SIDT2: variants seen among roughly 807,000 people sequenced by gnomAD.
SIDT2 encodes SID1 transmembrane family member 2.
SIDT2 carries 68 observed loss-of-function variants against 114.4 expected under a neutral mutation model. The observed-to-expected ratio is 0.59, with a 90% CI of 0.49 to 0.73. SIDT2 has a LOEUF of 0.73. SIDT2 is among the 30% of genes least tolerant of loss of function. The pLI is 0.00. For synonymous variants in SIDT2, 470 were observed against 438.4 expected, an observed-to-expected ratio of 1.07 and a Z score of -0.90; for missense variants, 918 against 1,097.1, an observed-to-expected ratio of 0.84 and a Z score of 2.31.
At chr11:117,187,343 G>A (rs757891265) in intron 10 of SIDT2, 35 bp from the exon 11 acceptor site, 16 of 1,600,270 alleles carry the variant, frequency 1.0e-5, no homozygotes, top group Admixed American at 5.0e-5. Context: ...CTCTCTCTTC[G>A]TCCAGTGCTA....
intron 9 of SIDT2, 48 bp downstream of exon 9, chr11:117,186,271 G>GT (rs749066444): frequency 1.5e-5 from 23 of 1,541,120 alleles, no homozygotes; most frequent in Non-Finnish European, 2.0e-5. Flanking sequence ...GTTTGGGCAG[G>GT]TGTGTGGGGC....
intron 1 of SIDT2, among the ~76,000 whole-genome samples, chr11:117,181,021 G>A (rs2030263600): frequency 6.6e-6 from 1 of 152,176 alleles, no homozygotes; most frequent in South Asian, 2.1e-4. Flanking sequence ...GGAAGGTTGA[G>A]GAGCACTTCT....
chr11:117,183,376 C>T (rs929235766), intron 6 of SIDT2, among the ~76,000 whole-genome samples: 1 of 148,442 alleles, frequency 6.7e-6, no homozygotes, highest in African/African-American at 2.5e-5. Context: ...CAGTGGCTCA[C>T]GCCTGTAATC....
chr11:117,190,862 C>T lies in SIDT2; in HGVS notation c.1735+122C>T, dbSNP rs1040472735. 30 of 743,794 alleles carry T rather than the reference C, an allele frequency of 4.0e-5. No homozygotes were observed. The Admixed American group carries it at 5.0e-4, about 12-fold the overall frequency. The allele number at this position is 743,794 out of a possible 1,614,324, so 46.1% of individuals were successfully genotyped here. ...CCCCTGTAGGAAACTCCAAGGCTGG[C>T]GTGCCTGGGTGTGCACACATCCTAG... On this transcript the variant is annotated intron_variant, in intron 18 of 25. Transcript: ENST00000324225. The surrounding 1 kb of genome is among the most constrained non-coding windows in gnomAD (Gnocchi z 4.1).
intron 10 of SIDT2, chr11:117,186,883 G>T: frequency 7.5e-7 from 1 of 1,333,996 alleles, no homozygotes; most frequent in Non-Finnish European, 1.0e-6. Flanking sequence ...TGCCTGCCTT[G>T]GGCAGTGTGG....
intron 10 of SIDT2, chr11:117,187,041 G>A (rs1405751641): frequency 6.9e-6 from 10 of 1,455,402 alleles, no homozygotes; most frequent in Non-Finnish European, 9.1e-6. Context: ...CTGGAGTCCA[G>A]AGTAGGGGAG....
intron 11 of SIDT2, 35 bp from the exon 12 acceptor site, chr11:117,187,593 C>G (rs552545405): frequency 6.2e-7 from 1 of 1,612,948 alleles, no homozygotes; most frequent in Admixed American, 1.7e-5. Flanking sequence ...CCTGCGGCCT[C>G]TCCTTCCTGC....
chr11:117,186,234 A>G lies in SIDT2; in HGVS notation c.962+11A>G. ...CTGGGAGAACTGGAGGTAAAGTGGA[A>G]CTGCTGGGCCTCCCCTGGTCTGGGT... On this transcript the variant is annotated intron_variant, in intron 9 of 25. Coordinates refer to ENST00000324225, the MANE Select transcript of SIDT2 (RefSeq NM_001040455.2). The G allele has an allele frequency of 1.2e-6, 2 of 1,612,958 alleles. No individual in the cohort carries two copies. Among genetic ancestry groups the G allele is most frequent in the Non-Finnish European group, 1.7e-6 (2 of 1,179,050 alleles).
chr11:117,190,576 T>C lies in SIDT2; in HGVS notation c.1618-47T>C. 2 of 1,481,756 alleles carry C rather than the reference T, an allele frequency of 1.3e-6. No homozygotes were observed. The highest frequency in any genetic ancestry group is 1.8e-6 in the Non-Finnish European group (2 of 1,083,616). 91.8% of individuals were successfully genotyped at this position (1,481,756 alleles called of 1,614,324 possible). ...CCCTCTTTTGGGTCCCTTCTTCCCT[T>C]CCTGCCTCACTTCCTCCCTCCCTTC... On this transcript the variant is annotated intron_variant, in intron 17 of 25. Transcript: ENST00000324225. The surrounding 1 kb of genome is among the most constrained non-coding windows in gnomAD (Gnocchi z 4.1).
chr11:117,192,208 A>G lies in SIDT2; in HGVS notation c.1873-46A>G. On this transcript the variant is annotated intron_variant, in intron 19 of 25. Coordinates refer to ENST00000324225, the MANE Select transcript of SIDT2 (RefSeq NM_001040455.2). This position sits in a 1 kb window ranked among gnomAD's most constrained non-coding sequence, Gnocchi z 5.9. ...CCAGGAAGGGTGGGCCATCCGAGCC[A>G]CTTCCCTCTCCACCCTCACCGCTGC... 6.8e-7 allele frequency: 1 copy of G among 1,477,694 alleles called. No homozygotes were observed. The highest frequency in any genetic ancestry group is 1.7e-5 in the Admixed American group (1 of 59,790). 91.5% of individuals were successfully genotyped at this position (1,477,694 alleles called of 1,614,324 possible). A position where few individuals can be genotyped will look rare whatever the true frequency, so the allele number is the denominator to read the frequency against.
chr11:117,180,507 C>T (rs1458080129), intron 1 of SIDT2, among the ~76,000 whole-genome samples: 1 of 149,686 alleles, frequency 6.7e-6, no homozygotes, highest in African/African-American at 2.5e-5. Context: ...TCCTTCATAG[C>T]TCCAAGGGTG....
chr11:117,186,709 C>A, intron 10 of SIDT2, 73 bp downstream of exon 10: 1 of 1,331,684 alleles, frequency 7.5e-7, no homozygotes. Context: ...GGATGGTTCC[C>A]TAGGGGGTTG....
chr11:117,189,659 G>A, intron 15 of SIDT2: 1 of 600,740 alleles, frequency 1.7e-6, no homozygotes, highest in South Asian at 2.0e-5. Context: ...TGAAACCAAA[G>A]TCCTGGGGCT....
chr11:117,184,697 A>G (rs142868040), intron 8 of SIDT2, among the ~76,000 whole-genome samples: 3 of 152,228 alleles, frequency 2.0e-5, no homozygotes, highest in African/African-American at 7.2e-5. Context: ...TGGGGCCCTA[A>G]GGGACTGTGA....
At chr11:117,186,320 T>A in intron 9 of SIDT2, 97 bp downstream of exon 9, 1 of 1,107,578 alleles carries the variant, frequency 9.0e-7, no homozygotes, top group Non-Finnish European at 1.4e-6. Context: ...TAGGGTAATC[T>A]ACACCATCCA....
chr11:117,189,417 A>G lies in SIDT2; in HGVS notation c.1419+16A>G, dbSNP rs150093528. 552 of 1,613,274 alleles carry G rather than the reference A, an allele frequency of 3.4e-4. 3 individuals carry two copies. In the East Asian group the frequency reaches 0.011, roughly 32 times the overall value. ...CTACCAGACGGTGAGAGGGCAGGGCAGGTTCACCTTTCCGACAGCCTAGGA... is the reference window on the plus strand; with the variant it reads ...CTACCAGACGGTGAGAGGGCAGGGCGGGTTCACCTTTCCGACAGCCTAGGA... On this transcript the variant is annotated intron_variant, in intron 15 of 25. Coordinates refer to ENST00000324225, the MANE Select transcript of SIDT2 (RefSeq NM_001040455.2).
Position 117,189,042 on chromosome 11 carries a change from T to C in SIDT2, c.1279-127T>C, listed in dbSNP as rs1305396115. 21 of 1,072,182 alleles carry C rather than the reference T, an allele frequency of 2.0e-5. No homozygotes were observed. In the Admixed American group the frequency reaches 3.5e-4, roughly 18 times the overall value. 66.4% of individuals were successfully genotyped at this position (1,072,182 alleles called of 1,614,324 possible). ...GGTCTAAGCGGCCGCAGCAGTGGGA[T>C]GTCCTTGAACCCTGCCCCCCTGAAT... On this transcript the variant is annotated intron_variant, in intron 13 of 25. Coordinates refer to ENST00000324225, the MANE Select transcript of SIDT2 (RefSeq NM_001040455.2).
At position 117,179,344 on chromosome 11, in the gene SIDT2, C is replaced by A; in HGVS notation, c.81C>A (p.Asn27Lys). The change falls in exon 1 of 26, where the codon AAC becomes AAA. Residue 27 changes from asparagine to lysine, a missense_variant. Asn to Lys is a moderately conservative substitution (Grantham distance 94). Coordinates refer to ENST00000324225, the MANE Select transcript of SIDT2 (RefSeq NM_001040455.2). Reference sequence around the variant, plus strand: ...ATCTGGGGGTTCTGGGGCCCAAGAACGTCTCGCAGAAAGACGCCGAGTTTG... The same window carrying A: ...ATCTGGGGGTTCTGGGGCCCAAGAAAGTCTCGCAGAAAGACGCCGAGTTTG... ...ESHLGVLGPK[N>K]VSQKDAEFER... 6.2e-7 allele frequency: 1 copy of A among 1,614,182 alleles called. No individual in the cohort carries two copies. The highest frequency in any genetic ancestry group is 8.5e-7 in the Non-Finnish European group (1 of 1,180,028).
intron 5 of SIDT2, 37 bp from the exon 6 acceptor site, chr11:117,182,686 A>T (rs1415231522): frequency 3.7e-6 from 6 of 1,613,918 alleles, no homozygotes; most frequent in Non-Finnish European, 5.1e-6. Flanking sequence ...GGGGCAGGCC[A>T]GGTTCCCATC....
Sources: gnomAD v4.1 joint callset for allele counts (sites outside exome capture counted in the v4.1 genomes callset) on GRCh38, gnomAD v4.1.1 for gene constraint, Gnocchi (gnomAD v3.1) non-coding constraint, MANE v1.5 for transcripts, NCBI Gene and HGNC (gene_info 2026-07-23, HGNC 2026-07-21) for gene names.